GOLGA2: variants seen among roughly 807,000 people sequenced by gnomAD.
The protein encoded by GOLGA2 is golgin subfamily A member 2.
Under a neutral mutation model 148.8 loss-of-function variants are expected in GOLGA2, and 49 were observed. The observed-to-expected ratio is 0.33, with a 90% CI of 0.26 to 0.42. The LOEUF is 0.42. Ranked by LOEUF, GOLGA2 falls within the 10% of genes least tolerant of loss-of-function variation. GOLGA2 has a pLI of 1.00. For synonymous variants in GOLGA2, 501 were observed against 511.8 expected (o/e 0.98, Z 0.28); for missense variants, 1,178 against 1,304.6 (o/e 0.90, Z 1.49).
Position 128,268,106 on chromosome 9 carries a change from G to A in GOLGA2, c.437+11C>T. ...AGCCTAGAGACTGCTGCCCCAACAG[G>A]AGACACTCACTTGGTTTCATCCATG... On this transcript the variant is annotated intron_variant, in intron 5 of 26. Transcript: ENST00000611957. 2 of 1,612,130 alleles carry A rather than the reference G, an allele frequency of 1.2e-6. No homozygotes were observed. Among genetic ancestry groups the A allele is most frequent in the Non-Finnish European group, 1.7e-6 (2 of 1,178,220 alleles).
At chr9:128,275,044 G>A (rs1203590862) in intron 1 of GOLGA2, among the ~76,000 whole-genome samples, 1 of 152,204 alleles carries the variant, frequency 6.6e-6, no homozygotes, top group African/African-American at 2.4e-5. Flanking sequence ...AGTCTCTCTG[G>A]AGAGTAGAAG....
chr9:128,260,458 A>C lies in GOLGA2; in HGVS notation c.1758+7T>G, dbSNP rs766818503. On this transcript the variant is annotated splice_region_variant and intron_variant, in intron 18 of 26. Transcript: ENST00000611957. This position sits in a 1 kb window ranked among gnomAD's most constrained non-coding sequence, Gnocchi z 4.8. ...GGAGGGCGGGCTCTCCAGGTGGGGC[A>C]GCGCACCAGCTTTACAAATCCGCTC... is the stretch of plus-strand genomic sequence containing the variant. The C allele has an allele frequency of 6.2e-7, 1 of 1,602,906 alleles. No homozygotes were observed. Among genetic ancestry groups the C allele is most frequent in the Admixed American group, 1.7e-5 (1 of 59,762 alleles).
intron 12 of GOLGA2, among the ~76,000 whole-genome samples, chr9:128,263,829 G>A (rs113132247): frequency 0.16 from 24,082 of 151,558 alleles, 1,950 homozygotes; most frequent in South Asian, 0.24. Context: ...TTGGGATTAC[G>A]GCACCCGGCT....
rs1212082020 is a variant in GOLGA2 at position 128,256,509 on chromosome 9, T to A, written c.*558A>T. 4 of 145,906 alleles carry A rather than the reference T, an allele frequency of 2.7e-5. No homozygotes were observed. Among genetic ancestry groups the A allele is most frequent in the Admixed American group, 2.7e-4 (4 of 14,686 alleles). 9.0% of individuals were successfully genotyped at this position (145,906 alleles called of 1,614,324 possible). A position where few individuals can be genotyped will look rare whatever the true frequency, so the allele number is the denominator to read the frequency against. On this transcript the variant is annotated 3_prime_UTR_variant, in exon 27 of 27. Transcript: ENST00000611957. ...ACTTTCTTTAATCCCATAACTTTTT[T>A]CATAATTTTTTTTTTTTTTGAGACA... is the stretch of plus-strand genomic sequence containing the variant.
At chr9:128,268,951 G>C (rs1410553262) in intron 3 of GOLGA2, among the ~76,000 whole-genome samples, 1 of 151,994 alleles carries the variant, frequency 6.6e-6, no homozygotes, top group South Asian at 2.1e-4. Flanking sequence ...GGAAGTAGTT[G>C]TCTGGGCAAT....
At chr9:128,272,433 A>G (rs1475483605) in intron 3 of GOLGA2, among the ~76,000 whole-genome samples, 1 of 151,974 alleles carries the variant, frequency 6.6e-6, no homozygotes, top group Non-Finnish European at 1.5e-5. Context: ...GCAGTGAGCC[A>G]AGATTGTGCC....
rs368066409 is a variant in GOLGA2, at chr9:128,259,411, G to C, written c.1873-20C>G. The C allele has an allele frequency of 4.1e-6, 6 of 1,472,408 alleles. No homozygotes were observed. The highest frequency in any genetic ancestry group is 3.6e-5 in the South Asian group (3 of 83,192). The allele number at this position is 1,472,408 out of a possible 1,614,324, so 91.2% of individuals were successfully genotyped here. On this transcript the variant is annotated intron_variant, in intron 19 of 26. Transcript: ENST00000611957. ...CTCCACCTGTAGGAAGACCCTGGGCGTGAGGGCAGGTGGTGGCCTGCTTCC... is the reference window on the plus strand; with the variant it reads ...CTCCACCTGTAGGAAGACCCTGGGCCTGAGGGCAGGTGGTGGCCTGCTTCC...
At position 128,260,020 on chromosome 9, in the gene GOLGA2, C is replaced by T; in HGVS notation, c.1872+56G>A. ...GGAGCTGCCTCTGGCCTCACACCAC[C>T]CCTCCCCAGAGGCTGGTGCCCGCCT... is the stretch of plus-strand genomic sequence containing the variant. On this transcript the variant is annotated intron_variant, in intron 19 of 26. Coordinates refer to ENST00000611957, the MANE Select transcript of GOLGA2 (RefSeq NM_001366244.2). This position sits in a 1 kb window ranked among gnomAD's most constrained non-coding sequence, Gnocchi z 4.8. 1 of 1,250,820 alleles carries T rather than the reference C, an allele frequency of 8.0e-7. No individual in the cohort carries two copies. The highest frequency in any genetic ancestry group is 1.2e-5 in the South Asian group (1 of 83,946). The allele number at this position is 1,250,820 out of a possible 1,614,324, so 77.5% of individuals were successfully genotyped here.
Position 128,257,562 on chromosome 9 carries a change from C to T in GOLGA2, c.2719-37G>A, listed in dbSNP as rs775089372. On this transcript the variant is annotated intron_variant, in intron 25 of 26. Transcript: ENST00000611957. This position sits in a 1 kb window ranked among gnomAD's most constrained non-coding sequence, Gnocchi z 8.0. ...GGTGCTAAGCTGCCATGCCCATGCC[C>T]GTGCCCACCTCCACCCCCAGAGATG... 1.4e-5 allele frequency: 22 copies of T among 1,613,930 alleles called. No homozygotes were observed. In the East Asian group the frequency reaches 3.3e-4, roughly 25 times the overall value.
chr9:128,259,461 A>G, intron 19 of GOLGA2, 70 bp from the exon 20 acceptor site: 2 of 991,944 alleles, frequency 2.0e-6, no homozygotes. Context: ...TAAATAGGGT[A>G]GCGAGGGCTC....
chr9:128,259,435 C>T, intron 19 of GOLGA2, 44 bp from the exon 20 acceptor site: 3 of 1,273,766 alleles, frequency 2.4e-6, no homozygotes, highest in Non-Finnish European at 3.3e-6. Context: ...TGGCCTGCTT[C>T]CAGATTCAGG....
At chr9:128,275,216 A>C (rs979183615) in intron 1 of GOLGA2, among the ~76,000 whole-genome samples, 1 of 152,154 alleles carries the variant, frequency 6.6e-6, no homozygotes, top group African/African-American at 2.4e-5. Context: ...CATAGTCCCC[A>C]ATCCCCTTCC....
chr9:128,268,211 A>AC, intron 4 of GOLGA2, 51 bp from the exon 5 acceptor site: 1 of 1,501,980 alleles, frequency 6.7e-7, no homozygotes, highest in Non-Finnish European at 9.3e-7. Flanking sequence ...GGTAAGAATC[A>AC]CCCAGGATGG....
At position 128,258,375 on chromosome 9, in the gene GOLGA2, G is replaced by A. The variant is rs1016401241; in HGVS notation, c.2289+80C>T. The A allele has an allele frequency of 1.1e-5, 15 of 1,357,404 alleles. No homozygotes were observed. The highest frequency in any genetic ancestry group is 3.5e-5 in the Admixed American group (2 of 57,954). 84.1% of individuals were successfully genotyped at this position (1,357,404 alleles called of 1,614,324 possible). A position where few individuals can be genotyped will look rare whatever the true frequency, so the allele number is the denominator to read the frequency against. ...GAGGGTCCGAAGAAATCAGAAGGCC[G>A]GGAAACCAAGAGCAGAAGGGGGTCT... On this transcript the variant is annotated intron_variant, in intron 22 of 26. Transcript: ENST00000611957. This position sits in a 1 kb window ranked among gnomAD's most constrained non-coding sequence, Gnocchi z 6.6.
Position 128,260,087 on chromosome 9 carries a change from G to A in GOLGA2, c.1861C>T (p.Leu621=), listed in dbSNP as rs1183949867. Residue 621 remains leucine (L), a synonymous_variant, in exon 19 of 27, where the codon CTG becomes TTG. Transcript: ENST00000611957. The surrounding 1 kb of genome is among the most constrained non-coding windows in gnomAD (Gnocchi z 4.8). ...LGELQEKLSE[L]KETVELKSQE... is the part of the protein sequence containing the mutation. ...TGGGGCGGGGTTACCGTTTCCTTCAGCTCGCTCAGCTTCTCCTGCAGCTCG... is the reference window on the plus strand; with the variant it reads ...TGGGGCGGGGTTACCGTTTCCTTCAACTCGCTCAGCTTCTCCTGCAGCTCG... 6.2e-7 allele frequency: 1 copy of A among 1,608,392 alleles called. No homozygotes were observed.
At chr9:128,268,264 C>G in intron 4 of GOLGA2, 104 bp from the exon 5 acceptor site, 1 of 1,199,434 alleles carries the variant, frequency 8.3e-7, no homozygotes, top group South Asian at 1.2e-5. Flanking sequence ...TCTTCAATCT[C>G]CCCAGGCCTC....
intron 6 of GOLGA2, 124 bp downstream of exon 6, chr9:128,267,810 C>T: frequency 1.2e-6 from 1 of 813,220 alleles, no homozygotes; most frequent in Non-Finnish European, 2.1e-6. Context: ...AAGGCGACTT[C>T]CTTAACATTG....
Position 128,260,602 on chromosome 9 carries a change from A to G in GOLGA2, c.1621T>C (p.Trp541Arg). The G allele has an allele frequency of 6.2e-7, 1 of 1,611,464 alleles. No individual in the cohort carries two copies. The highest frequency in any genetic ancestry group is 8.5e-7 in the Non-Finnish European group (1 of 1,179,948). The change falls in exon 18 of 27, where the codon TGG (tryptophan) becomes CGG (arginine). Residue 541 changes from tryptophan to arginine, a missense_variant. This residue lies in a region of GOLGA2 where 529 missense variants were observed against 521.8 expected (regional missense o/e 1.01). Transcript: ENST00000611957. This position sits in a 1 kb window ranked among gnomAD's most constrained non-coding sequence, Gnocchi z 4.8. ...LLELERAAEL[W>R]GEQAEARRQI... The stretch of plus-strand genomic sequence containing the variant: ...CTGCGCGCCTCCGCCTGCTCCCCCC[A>G]GAGCTCGGCCGCCCGCTCCAGCTCC...
chr9:128,261,885 T>C lies in GOLGA2; in HGVS notation c.1135-128A>G. The C allele has an allele frequency of 1.6e-6, 1 of 635,782 alleles. No homozygotes were observed. Among genetic ancestry groups the C allele is most frequent in the Non-Finnish European group, 2.8e-6 (1 of 351,722 alleles). 39.4% of individuals were successfully genotyped at this position (635,782 alleles called of 1,614,324 possible). ...ATACAACTCTGCTGTCAAGTTTCTT[T>C]GCTTTAGAAATAAAAAATAATTTTA... On this transcript the variant is annotated intron_variant, in intron 14 of 26. Coordinates refer to ENST00000611957, the MANE Select transcript of GOLGA2 (RefSeq NM_001366244.2). This position sits in a 1 kb window ranked among gnomAD's most constrained non-coding sequence, Gnocchi z 5.7.
Sources: allele counts gnomAD v4.1 joint callset (sites outside exome capture counted in the v4.1 genomes callset), GRCh38; gene constraint gnomAD v4.1.1; regional missense constraint gnomAD v4.1.1; non-coding constraint Gnocchi (gnomAD v3.1); transcripts MANE v1.5; gene names NCBI Gene and HGNC (gene_info 2026-07-23, HGNC 2026-07-21).